HEATR4: variants seen among roughly 807,000 people sequenced by gnomAD.
HEATR4 encodes HEAT repeat-containing protein 4.
A neutral mutation model predicts 108.8 loss-of-function variants in HEATR4; 95 were observed. The observed-to-expected ratio is 0.87, with a 90% CI of 0.74 to 1.04. The LOEUF (loss-of-function observed/expected upper bound fraction) is 1.04, where lower values mean the gene tolerates loss of function less well. Ranked by LOEUF, HEATR4 falls within the 50% of genes least tolerant of loss-of-function variation. The pLI is 0.00. For synonymous variants in HEATR4, 443 were observed against 459.4 expected (o/e 0.96, Z 0.46); for missense variants, 1,152 against 1,253.8 (o/e 0.92, Z 1.23).
chr14:73,612,902 G>A, the HEATR4 span: 5 of 1,371,336 alleles, frequency 3.6e-6, no homozygotes, highest in South Asian at 2.7e-5. Context: ...AGTGCTGGAC[G>A]GCCACGACAC....
At chr14:73,530,708 G>A (rs866763612) in intron 1 of HEATR4, 3,466 of 114,112 alleles carry the variant, frequency 0.03, 51 homozygotes, top group Non-Finnish European at 0.045. Flanking sequence ...CGTGATCATG[G>A]CTCACTGCAG....
chr14:73,590,643 C>T, the HEATR4 span, among the ~76,000 whole-genome samples: 1 of 152,312 alleles, frequency 6.6e-6, no homozygotes, highest in East Asian at 1.9e-4. Flanking sequence ...CAGCTAAGGC[C>T]CGCTGAGAAA....
At chr14:73,523,250 T>A in intron 2 of HEATR4, 26 bp from the exon 3 acceptor site, 1 of 1,235,006 alleles carries the variant, frequency 8.1e-7, no homozygotes. Flanking sequence ...GAGGAACTGA[T>A]GAGAACTCTA....
chr14:73,601,409 C>T, the HEATR4 span, among the ~76,000 whole-genome samples: 4 of 151,966 alleles, frequency 2.6e-5, no homozygotes, highest in Non-Finnish European at 4.4e-5. Context: ...ACTAAAAATA[C>T]AAAAATTAGC....
chr14:73,523,203 G>T lies in HEATR4; in HGVS notation c.-51C>A, dbSNP rs1226625595. 8.0e-6 allele frequency: 12 copies of T among 1,493,340 alleles called. No individual in the cohort carries two copies. Among genetic ancestry groups the T allele is most frequent in the South Asian group, 5.2e-5 (4 of 76,844 alleles). 92.5% of individuals were successfully genotyped at this position (1,493,340 alleles called of 1,614,324 possible). On this transcript the variant is annotated 5_prime_UTR_variant, in exon 3 of 18. Transcript: ENST00000553558. ...CCACACTGCCTGGCCTAGAGGAAAG[G>T]CCTGGAGATGAGACCTGGCACCTGT...
chr14:73,536,892 T>C (rs1341723052), intron 1 of HEATR4, among the ~76,000 whole-genome samples: 3 of 114,914 alleles, frequency 2.6e-5, no homozygotes, highest in African/African-American at 8.5e-5. Flanking sequence ...GTGTGAATTA[T>C]TCAACAAAGT....
the HEATR4 span, chr14:73,569,650 T>A: frequency 2.5e-6 from 4 of 1,605,544 alleles, no homozygotes; most frequent in Non-Finnish European, 2.5e-6. Context: ...TTCGCGGGGC[T>A]TGAGCCCATG....
the HEATR4 span, among the ~76,000 whole-genome samples, chr14:73,631,215 A>G: frequency 6.6e-6 from 1 of 152,224 alleles, no homozygotes; most frequent in African/African-American, 2.4e-5. Flanking sequence ...TTAATAAAAT[A>G]TGTTCACCTG....
intron 5 of HEATR4, among the ~76,000 whole-genome samples, chr14:73,516,765 A>G (rs1887626136): frequency 6.6e-6 from 1 of 152,188 alleles, no homozygotes; most frequent in Admixed American, 6.5e-5. Flanking sequence ...CAGCAGTGGC[A>G]TTAGAGTCAC....
At chr14:73,508,011 G>T in intron 9 of HEATR4, 123 bp downstream of exon 9, 2 of 902,982 alleles carry the variant, frequency 2.2e-6, no homozygotes, top group Non-Finnish European at 3.5e-6. Flanking sequence ...CTCCCGAAGT[G>T]TTGGGATTAC....
At chr14:73,559,541 C>A (rs1351570541), upstream of HEATR4, among the ~76,000 whole-genome samples, 1 of 151,730 alleles carries the variant, frequency 6.6e-6, no homozygotes, top group South Asian at 2.1e-4. Context: ...ACCAGCCTGA[C>A]CAACATGGTG....
Position 73,556,034 on chromosome 14 carries a change from G to A in HEATR4, c.-152+2717C>T, listed in dbSNP as rs7158040. On this transcript the variant is annotated intron_variant, in intron 1 of 17. Transcript: ENST00000553558. The stretch of plus-strand genomic sequence containing the variant: ...AAAAAAGGAGTGATTTAGGGTGTCC[G>A]CAGATAAATGCCCTTTAGCCTTTGA... Among the ~76,000 whole-genome samples, 206 of 114,750 alleles carry A rather than the reference G, an allele frequency of 1.8e-3. 70 individuals carry two copies. Among genetic ancestry groups the A allele is most frequent in the Non-Finnish European group, 1.9e-3 (101 of 52,078 alleles). 75.3% of individuals were successfully genotyped at this position (114,750 alleles called of 152,430 possible). A position where few individuals can be genotyped will look rare whatever the true frequency, so the allele number is the denominator to read the frequency against.
chr14:73,569,186 T>C, the HEATR4 span: 1 of 1,591,318 alleles, frequency 6.3e-7, no homozygotes, highest in Non-Finnish European at 8.6e-7. Context: ...CCCGCTCACG[T>C]TAGCAGACAG....
intron 17 of HEATR4, among the ~76,000 whole-genome samples, chr14:73,484,823 C>T (rs1885385562): frequency 6.7e-6 from 1 of 149,340 alleles, no homozygotes. Flanking sequence ...CACACACACA[C>T]ACACACACAG....
chr14:73,633,007 C>CTCTTT, the HEATR4 span, among the ~76,000 whole-genome samples: 2 of 122,078 alleles, frequency 1.6e-5, no homozygotes, highest in African/African-American at 6.4e-5. Context: ...CTCTCTCTCT[C>CTCTTT]TTTTTTTTTT....
chr14:73,589,829 G>C, the HEATR4 span, among the ~76,000 whole-genome samples: 2 of 151,676 alleles, frequency 1.3e-5, no homozygotes, highest in Non-Finnish European at 2.9e-5. Flanking sequence ...CATGTGCTCA[G>C]AGTTTGTTCC....
chr14:73,502,360 G>A (rs924051727), intron 11 of HEATR4, among the ~76,000 whole-genome samples: 2 of 152,154 alleles, frequency 1.3e-5, no homozygotes, highest in East Asian at 3.8e-4. Flanking sequence ...GTGGTCATCA[G>A]AATTGCGTCA....
At chr14:73,481,399 A>C (rs1360445543) in intron 17 of HEATR4, among the ~76,000 whole-genome samples, 1 of 152,172 alleles carries the variant, frequency 6.6e-6, no homozygotes, top group African/African-American at 2.4e-5. Flanking sequence ...AGATGGTGCC[A>C]CTGCACTTCA....
At chr14:73,605,947 C>T in the HEATR4 span, among the ~76,000 whole-genome samples, 2 of 152,266 alleles carry the variant, frequency 1.3e-5, no homozygotes, top group South Asian at 4.1e-4. Context: ...CCCTACACTT[C>T]AGGGATCAGC....
Sources: allele counts gnomAD v4.1 joint callset (sites outside exome capture counted in the v4.1 genomes callset), GRCh38; gene constraint gnomAD v4.1.1; transcripts MANE v1.5; gene names NCBI Gene and HGNC (gene_info 2026-07-23, HGNC 2026-07-21).